The following SPAG17 variants were observed in gnomAD, a reference collection of about 807,000 sequenced individuals.
SPAG17 encodes sperm-associated antigen 17.
A neutral mutation model predicts 273.6 loss-of-function variants in SPAG17; 169 were observed. The ratio of observed to expected loss-of-function variants is 0.62; its 90% confidence interval spans 0.55 to 0.70. The LOEUF is 0.70. Among genes scored for constraint, SPAG17 ranks in the 30% least tolerant of loss-of-function variants. The pLI is 0.00. For missense variants in SPAG17, 2,557 were observed against 2,627.8 expected, an observed-to-expected ratio of 0.97 and a Z score of 0.59; for synonymous variants, 825 against 873.2, an observed-to-expected ratio of 0.94 and a Z score of 0.97.
chr1:118,003,041 C>T (rs1025571771), intron 32 of SPAG17, among the ~76,000 whole-genome samples: 1 of 152,166 alleles, frequency 6.6e-6, no homozygotes, highest in Non-Finnish European at 1.5e-5. Context: ...AATCTCTCAG[C>T]ATTTGCTTGT....
intron 43 of SPAG17, among the ~76,000 whole-genome samples, chr1:117,979,067 G>C (rs12069633): frequency 0.56 from 85,159 of 151,690 alleles, 25,153 homozygotes; most frequent in African/African-American, 0.76. Context: ...CGGGGTTTCA[G>C]CATGTTAGCC....
At chr1:117,973,359 TA>T in intron 44 of SPAG17, 65 bp downstream of exon 44, 1 of 1,563,482 alleles carries the variant, frequency 6.4e-7, no homozygotes, top group Non-Finnish European at 8.7e-7. Context: ...TTGAAAAAAA[TA>T]AAAAATAAAG....
chr1:118,019,083 T>C (rs1362816524), intron 28 of SPAG17, among the ~76,000 whole-genome samples: 4 of 143,704 alleles, frequency 2.8e-5, no homozygotes, highest in Non-Finnish European at 6.1e-5. Context: ...GAATTTAGAA[T>C]TAAAGCAATA....
chr1:117,958,826 T>C, intron 48 of SPAG17: 1 of 908,240 alleles, frequency 1.1e-6, no homozygotes, highest in Non-Finnish European at 1.7e-6. Flanking sequence ...GTTGCTTTGA[T>C]ATTGTGTCTG....
At chr1:118,035,292 A>T (rs1648955092) in intron 24 of SPAG17, among the ~76,000 whole-genome samples, 1 of 152,236 alleles carries the variant, frequency 6.6e-6, no homozygotes, top group African/African-American at 2.4e-5. Context: ...CTGATTACAT[A>T]TTAATTTAAG....
chr1:118,023,164 A>T (rs533737764), intron 28 of SPAG17, 140 bp downstream of exon 28: 30 of 501,710 alleles, frequency 6.0e-5, no homozygotes, highest in Non-Finnish European at 8.6e-5. Context: ...GAATTCATTT[A>T]TATGTATGTA....
At chr1:118,152,482 T>C (rs186504498) in intron 1 of SPAG17, among the ~76,000 whole-genome samples, 1 of 152,308 alleles carries the variant, frequency 6.6e-6, no homozygotes. Context: ...AATACTTTAG[T>C]ATTAATTCTT....
chr1:118,017,852 AC>A (rs2101812288), intron 28 of SPAG17, among the ~76,000 whole-genome samples: 1 of 152,328 alleles, frequency 6.6e-6, no homozygotes, highest in East Asian at 1.9e-4. Flanking sequence ...ATATGGGTCA[AC>A]AAAGCAAACT....
Position 118,087,011 on chromosome 1 carries a change from G to A in SPAG17, c.1360-3C>T. 6.4e-7 allele frequency: 1 copy of A among 1,557,756 alleles called. No individual in the cohort carries two copies. Among genetic ancestry groups the A allele is most frequent in the South Asian group, 1.2e-5 (1 of 82,664 alleles). The stretch of plus-strand genomic sequence containing the variant: ...AGATCTTCTTCAGTTGCAACAACCT[G>A]TTGAAATCAACAATGAGAGGAATTG... On this transcript the variant is annotated splice_region_variant and splice_polypyrimidine_tract_variant and intron_variant, in intron 10 of 48. Transcript: ENST00000336338.
chr1:118,081,162 A>G lies in SPAG17; in HGVS notation c.2148T>C (p.Asp716=), dbSNP rs772450473. ...DLNNLKLSVP[D]NRQLLEQESI... ...TCTCCTGCTCTAACAGCTGTCTATTATCAGGGACTGAGAGTTTGAGATTAT... is the reference window on the plus strand; with the variant it reads ...TCTCCTGCTCTAACAGCTGTCTATTGTCAGGGACTGAGAGTTTGAGATTAT... The change falls in exon 15 of 49, where the codon GAT becomes GAC. Residue 716 remains aspartate, a synonymous_variant. Transcript: ENST00000336338. 6.2e-7 allele frequency: 1 copy of G among 1,613,908 alleles called. No individual in the cohort carries two copies. Among genetic ancestry groups the G allele is most frequent in the Non-Finnish European group, 8.5e-7 (1 of 1,179,982 alleles).
At chr1:117,984,079 T>C (rs1363625292) in intron 41 of SPAG17, among the ~76,000 whole-genome samples, 166 bp from the exon 42 acceptor site, 1 of 152,240 alleles carries the variant, frequency 6.6e-6, no homozygotes. Context: ...TTCTAGCTTT[T>C]GTTAACTAGT....
At chr1:118,107,321 A>G (rs565085391) in intron 4 of SPAG17, among the ~76,000 whole-genome samples, 2 of 152,104 alleles carry the variant, frequency 1.3e-5, no homozygotes, top group African/African-American at 4.8e-5. Flanking sequence ...TTCTTTCTCC[A>G]GAGCACTCCA....
At chr1:118,000,057 C>T (rs1658102260) in intron 32 of SPAG17, among the ~76,000 whole-genome samples, 1 of 152,148 alleles carries the variant, frequency 6.6e-6, no homozygotes, top group South Asian at 2.1e-4. Flanking sequence ...GCCAGTTTTC[C>T]CAGCATCATT....
intron 31 of SPAG17, among the ~76,000 whole-genome samples, chr1:118,006,850 C>T (rs569853261): frequency 3.7e-4 from 57 of 152,172 alleles, no homozygotes; most frequent in Non-Finnish European, 5.9e-4. Context: ...CGCTGCAGCT[C>T]CCTCACAACT....
chr1:117,997,757 T>C (rs1657818645), intron 32 of SPAG17, among the ~76,000 whole-genome samples: 1 of 152,148 alleles, frequency 6.6e-6, no homozygotes, highest in African/African-American at 2.4e-5. Context: ...CAAATGAGCA[T>C]GACTGTGTTC....
intron 46 of SPAG17, among the ~76,000 whole-genome samples, chr1:117,969,811 T>G (rs1004683483): frequency 9.2e-5 from 14 of 152,224 alleles, no homozygotes; most frequent in Admixed American, 9.2e-4. Context: ...ATTGTTTCTA[T>G]AGCTGGCAGT....
chr1:118,073,491 T>C (rs1340609744), intron 17 of SPAG17, among the ~76,000 whole-genome samples: 2 of 152,116 alleles, frequency 1.3e-5, no homozygotes, highest in South Asian at 2.1e-4. Context: ...TGTGGTGAAA[T>C]TGAGTAGAAT....
intron 24 of SPAG17, among the ~76,000 whole-genome samples, chr1:118,034,268 T>C (rs1557935861): frequency 6.6e-6 from 1 of 152,206 alleles, no homozygotes; most frequent in Non-Finnish European, 1.5e-5. Context: ...ATGCTGTGTG[T>C]TCAGTCTGTG....
At chr1:118,047,889 C>T (rs1419195233) in intron 20 of SPAG17, among the ~76,000 whole-genome samples, 1 of 152,144 alleles carries the variant, frequency 6.6e-6, no homozygotes, top group East Asian at 1.9e-4. Flanking sequence ...CAGACCAGCC[C>T]GAGGCCTCAT....
Sources: allele counts gnomAD v4.1 joint callset (sites outside exome capture counted in the v4.1 genomes callset), GRCh38; gene constraint gnomAD v4.1.1; transcripts MANE v1.5; gene names NCBI Gene and HGNC (gene_info 2026-07-23, HGNC 2026-07-21).